Variants in ZBTB20 observed in about 807,000 individuals in gnomAD.
ZBTB20 encodes the protein zinc finger and BTB domain containing 20, also known as zinc finger and BTB domain-containing protein 20.
ZBTB20 carries 9 observed loss-of-function variants against 56.9 expected under a neutral mutation model. The observed-to-expected ratio is 0.16, with a 90% CI of 0.10 to 0.28. The LOEUF (loss-of-function observed/expected upper bound fraction) is 0.28, where lower values mean the gene tolerates loss of function less well. ZBTB20 is among the 10% of genes least tolerant of loss of function. ZBTB20 has a pLI of 1.00. For synonymous variants in ZBTB20, 417 were observed against 420.7 expected (o/e 0.99, Z 0.11); for missense variants, 655 against 1,003.0 (o/e 0.65, Z 4.69).
At position 114,351,871 on chromosome 3, in the gene ZBTB20, G is replaced by A; in HGVS notation, c.207C>T (p.Ile69=). The part of the protein sequence containing the change: ...HAHTGSSDCD[I]SCKGMTERIH... ...TGCGCTCGGTCATCCCCTTGCAACT[G>A]ATGTCACCTGCAGCATGTCAACGCA... The change falls in exon 11 of 12, where the codon ATC becomes ATT. Residue 69 remains isoleucine (I), a synonymous_variant. Transcript: ENST00000675478. The A allele has an allele frequency of 6.3e-7, 1 of 1,589,892 alleles. No individual in the cohort carries two copies. Among genetic ancestry groups the A allele is most frequent in the Non-Finnish European group, 8.6e-7 (1 of 1,162,962 alleles).
chr3:114,708,364 G>A (rs760564430), intron 5 of ZBTB20, among the ~76,000 whole-genome samples: 3 of 151,530 alleles, frequency 2.0e-5, no homozygotes, highest in Non-Finnish European at 4.4e-5. Flanking sequence ...AAATAAAACT[G>A]GCAAAATGCT....
At chr3:114,790,830 G>T (rs1364688050) in intron 5 of ZBTB20, among the ~76,000 whole-genome samples, 3 of 151,368 alleles carry the variant, frequency 2.0e-5, no homozygotes, top group African/African-American at 7.3e-5. Flanking sequence ...AGTAACAAAT[G>T]CTTTTAAAGC....
chr3:114,916,646 A>G (rs2075757226), intron 3 of ZBTB20, among the ~76,000 whole-genome samples: 1 of 152,092 alleles, frequency 6.6e-6, no homozygotes, highest in African/African-American at 2.4e-5. Flanking sequence ...CTCATGTTTG[A>G]AGGACATTTC....
At chr3:114,744,062 G>T (rs1330399326) in intron 5 of ZBTB20, among the ~76,000 whole-genome samples, 3 of 152,150 alleles carry the variant, frequency 2.0e-5, no homozygotes, top group African/African-American at 7.2e-5. Flanking sequence ...AACTGTTAAG[G>T]TACCAACCAC....
At chr3:114,665,199 T>C (rs1353251869) in intron 6 of ZBTB20, among the ~76,000 whole-genome samples, 1 of 151,726 alleles carries the variant, frequency 6.6e-6, no homozygotes, top group African/African-American at 2.4e-5. Flanking sequence ...ATTTTTGCTG[T>C]ACCTTTTCTA....
intron 5 of ZBTB20, among the ~76,000 whole-genome samples, chr3:114,698,017 C>T (rs956243693): frequency 6.6e-6 from 1 of 152,056 alleles, no homozygotes; most frequent in South Asian, 2.1e-4. Flanking sequence ...AAACCAATTT[C>T]ACTATACTGT....
chr3:114,708,174 T>C (rs2108421188), intron 5 of ZBTB20, among the ~76,000 whole-genome samples: 1 of 152,312 alleles, frequency 6.6e-6, no homozygotes, highest in East Asian at 1.9e-4. Context: ...CTGTAAACTG[T>C]CTCATTTGCA....
chr3:114,718,515 C>A (rs2064673112), intron 5 of ZBTB20, among the ~76,000 whole-genome samples: 1 of 152,134 alleles, frequency 6.6e-6, no homozygotes, highest in African/African-American at 2.4e-5. Flanking sequence ...TTCCTCACAT[C>A]TGGCTCTAAG....
chr3:114,761,589 C>T (rs2068444540), intron 5 of ZBTB20, among the ~76,000 whole-genome samples: 2 of 152,058 alleles, frequency 1.3e-5, no homozygotes, highest in African/African-American at 4.8e-5. Context: ...ATTCCCAGCA[C>T]TTTGGGAGGC....
intron 2 of ZBTB20, among the ~76,000 whole-genome samples, chr3:114,980,481 A>G (rs1057471645): frequency 1.3e-5 from 2 of 151,984 alleles, no homozygotes; most frequent in Admixed American, 1.3e-4. Flanking sequence ...TTAAACATTT[A>G]CATAAGTTCA....
intron 3 of ZBTB20, among the ~76,000 whole-genome samples, chr3:114,917,571 T>C (rs1389845002): frequency 6.6e-6 from 1 of 152,174 alleles, no homozygotes; most frequent in East Asian, 1.9e-4. Context: ...AATGCAGCTG[T>C]GTCTACATTG....
intron 2 of ZBTB20, among the ~76,000 whole-genome samples, chr3:114,986,358 AC>A (rs2078543177): frequency 6.6e-6 from 1 of 152,146 alleles, no homozygotes; most frequent in Non-Finnish European, 1.5e-5. Flanking sequence ...TTGAAAAGCT[AC>A]AACAAACACT....
intron 5 of ZBTB20, among the ~76,000 whole-genome samples, chr3:114,781,952 T>C (rs1043155621): frequency 4.6e-5 from 7 of 152,206 alleles, no homozygotes; most frequent in Non-Finnish European, 1.0e-4. Context: ...TAAACCTTTT[T>C]TTCTTTATAA....
chr3:114,524,875 CG>C (rs971919104), intron 6 of ZBTB20, among the ~76,000 whole-genome samples: 1 of 152,084 alleles, frequency 6.6e-6, no homozygotes, highest in African/African-American at 2.4e-5. Context: ...CCACCACACC[CG>C]GCTAATTTTT....
At chr3:115,032,958 T>TAA (rs77048136) in intron 2 of ZBTB20, among the ~76,000 whole-genome samples, 1,173 of 56,482 alleles carry the variant, frequency 0.021, 19 homozygotes, top group South Asian at 0.089. Flanking sequence ...CCTAAGGAAC[T>TAA]AAAAAAAAAA....
chr3:114,540,945 A>G (rs558574205), intron 6 of ZBTB20, among the ~76,000 whole-genome samples: 56 of 152,220 alleles, frequency 3.7e-4, no homozygotes, highest in Middle Eastern at 3.4e-3. Flanking sequence ...CAATGCTACT[A>G]TGACGATTTA....
intron 6 of ZBTB20, among the ~76,000 whole-genome samples, chr3:114,579,300 A>C (rs2054405301): frequency 6.6e-6 from 1 of 151,720 alleles, no homozygotes; most frequent in African/African-American, 2.4e-5. Flanking sequence ...AATAGAGCAA[A>C]TATGTTTACA....
intron 5 of ZBTB20, among the ~76,000 whole-genome samples, chr3:114,777,923 T>G (rs550329873): frequency 1.3e-5 from 2 of 151,554 alleles, no homozygotes; most frequent in Admixed American, 6.6e-5. Context: ...CCATAAAAAA[T>G]GATGAGTTCA....
At chr3:115,028,227 A>G (rs1212758416) in intron 2 of ZBTB20, among the ~76,000 whole-genome samples, 1 of 150,752 alleles carries the variant, frequency 6.6e-6, no homozygotes, top group East Asian at 1.9e-4. Context: ...AAATAAACCC[A>G]TAACATAGTA....
Sources: allele counts gnomAD v4.1 joint callset (sites outside exome capture counted in the v4.1 genomes callset), GRCh38; gene constraint gnomAD v4.1.1; transcripts MANE v1.5; gene names NCBI Gene and HGNC (gene_info 2026-07-23, HGNC 2026-07-21).